The following WASF3 variants were observed in gnomAD, a reference collection of about 807,000 sequenced individuals.
The protein encoded by WASF3 is WASP family member 3, also known as actin-binding protein WASF3.
In WASF3, 11 loss-of-function variants were observed where a neutral mutation model predicts 46.6. The ratio of observed to expected loss-of-function variants is 0.24; its 90% CI spans 0.15 to 0.39. WASF3 has a LOEUF of 0.39. Ranked by LOEUF, WASF3 falls within the 10% of genes least tolerant of loss-of-function variation. WASF3 has a pLI of 1.00. For missense variants in WASF3, 576 were observed against 669.8 expected (o/e 0.86, Z 1.55); for synonymous variants, 242 against 259.7 (o/e 0.93, Z 0.65).
intron 1 of WASF3, among the ~76,000 whole-genome samples, chr13:26,569,827 C>T (rs545210083): frequency 5.3e-5 from 8 of 152,022 alleles, no homozygotes; most frequent in African/African-American, 1.7e-4. Context: ...AAATAAAAGA[C>T]GGAAGGCACA....
At chr13:26,659,671 G>A (rs1051082157) in intron 3 of WASF3, among the ~76,000 whole-genome samples, 1 of 152,146 alleles carries the variant, frequency 6.6e-6, no homozygotes, top group East Asian at 1.9e-4. Flanking sequence ...ATCAGGGCAG[G>A]TGGTGCGTGC....
At chr13:26,637,306 T>G (rs1297513822) in intron 2 of WASF3, among the ~76,000 whole-genome samples, 1 of 152,148 alleles carries the variant, frequency 6.6e-6, no homozygotes, top group Admixed American at 6.5e-5. Flanking sequence ...GTAGGTTGTT[T>G]AGACTCAACA....
chr13:26,637,427 T>A (rs1488475937), intron 2 of WASF3, among the ~76,000 whole-genome samples: 1 of 152,092 alleles, frequency 6.6e-6, no homozygotes, highest in Non-Finnish European at 1.5e-5. Flanking sequence ...GATTTAAACA[T>A]TTCCAGCTCT....
intron 2 of WASF3, among the ~76,000 whole-genome samples, chr13:26,625,839 GGT>G (rs1006520556): frequency 2.0e-5 from 3 of 152,142 alleles, no homozygotes; most frequent in Non-Finnish European, 4.4e-5. Flanking sequence ...TTCGAAGGTA[GGT>G]GTGATAAGCT....
At chr13:26,551,907 C>T in the WASF3 span, among the ~76,000 whole-genome samples, 24 of 152,118 alleles carry the variant, frequency 1.6e-4, no homozygotes, top group Admixed American at 2.6e-4. Flanking sequence ...CATAAAATAG[C>T]GTGAAGACAC....
intron 3 of WASF3, among the ~76,000 whole-genome samples, chr13:26,647,776 T>A (rs542544937): frequency 4.1e-4 from 62 of 151,742 alleles, no homozygotes; most frequent in Non-Finnish European, 6.8e-4. Flanking sequence ...AAAAAAAAAA[T>A]TTGGCGACAT....
chr13:26,585,049 A>G (rs1880089890), intron 1 of WASF3, among the ~76,000 whole-genome samples: 1 of 151,980 alleles, frequency 6.6e-6, no homozygotes, highest in Admixed American at 6.6e-5. Context: ...CATAAATAAT[A>G]TCATTTTCCC....
intron 2 of WASF3, among the ~76,000 whole-genome samples, chr13:26,624,233 A>T (rs1368477711): frequency 6.6e-6 from 1 of 152,244 alleles, no homozygotes; most frequent in African/African-American, 2.4e-5. Context: ...TATTGAGAAA[A>T]GTCTATATCA....
intron 1 of WASF3, among the ~76,000 whole-genome samples, chr13:26,582,110 C>T (rs1458148490): frequency 1.3e-5 from 2 of 152,152 alleles, no homozygotes; most frequent in Non-Finnish European, 2.9e-5. Flanking sequence ...ACTTCTTTTT[C>T]ACTTCCAATA....
At chr13:26,600,151 A>C (rs576559040) in intron 1 of WASF3, among the ~76,000 whole-genome samples, 1 of 152,354 alleles carries the variant, frequency 6.6e-6, no homozygotes, top group South Asian at 2.1e-4. Flanking sequence ...CTTTAATGGT[A>C]GAGTGGGCAG....
intron 1 of WASF3, among the ~76,000 whole-genome samples, chr13:26,568,609 G>T (rs1181290909): frequency 1.3e-5 from 2 of 152,166 alleles, no homozygotes; most frequent in Non-Finnish European, 2.9e-5. Flanking sequence ...GAGATGAGTG[G>T]TTTGGTGGCT....
intron 9 of WASF3, among the ~76,000 whole-genome samples, chr13:26,685,042 C>T (rs946133572): frequency 4.0e-5 from 6 of 148,616 alleles, no homozygotes; most frequent in East Asian, 3.9e-4. Context: ...GAGCCATGAT[C>T]GTAACACTGC....
At chr13:26,575,076 T>C (rs546004294) in intron 1 of WASF3, among the ~76,000 whole-genome samples, 10 of 152,278 alleles carry the variant, frequency 6.6e-5, no homozygotes, top group African/African-American at 2.2e-4. Context: ...GACCTTGTGA[T>C]CCGCCCACCT....
At chr13:26,683,005 CT>C in intron 9 of WASF3, 31 bp downstream of exon 9, 1 of 1,578,148 alleles carries the variant, frequency 6.3e-7, no homozygotes, top group South Asian at 1.2e-5. Flanking sequence ...CACAGCCTGC[CT>C]TTCAGCAAGA....
intron 1 of WASF3, among the ~76,000 whole-genome samples, chr13:26,589,208 A>G (rs953169526): frequency 1.3e-5 from 2 of 152,194 alleles, no homozygotes; most frequent in Non-Finnish European, 2.9e-5. Flanking sequence ...AAATAGGTAG[A>G]CTGTGGGGCA....
At chr13:26,589,676 A>G (rs1408163302) in intron 1 of WASF3, among the ~76,000 whole-genome samples, 1 of 152,206 alleles carries the variant, frequency 6.6e-6, no homozygotes, top group Non-Finnish European at 1.5e-5. Context: ...CCAAAGCACA[A>G]CAGAGTTTGG....
At chr13:26,544,277 T>C in the WASF3 span, among the ~76,000 whole-genome samples, 1 of 152,360 alleles carries the variant, frequency 6.6e-6, no homozygotes, top group Middle Eastern at 3.4e-3. Context: ...TCATTGTTTT[T>C]TACTCACTCT....
chr13:26,579,451 T>C (rs1879912894), intron 1 of WASF3, among the ~76,000 whole-genome samples: 1 of 152,228 alleles, frequency 6.6e-6, no homozygotes, highest in Non-Finnish European at 1.5e-5. Flanking sequence ...AGTCTGGTTC[T>C]AGACACATGT....
chr13:26,592,372 C>T (rs867964564), intron 1 of WASF3, among the ~76,000 whole-genome samples: 1 of 151,988 alleles, frequency 6.6e-6, no homozygotes, highest in African/African-American at 2.4e-5. Flanking sequence ...GCTCAGGCTG[C>T]GTAACAAAAT....
Sources: allele counts gnomAD v4.1 joint callset (sites outside exome capture counted in the v4.1 genomes callset), GRCh38; gene constraint gnomAD v4.1.1; transcripts MANE v1.5; gene names NCBI Gene and HGNC (gene_info 2026-07-23, HGNC 2026-07-21).